Variants in ARHGAP5 observed in about 807,000 individuals in gnomAD.
The protein encoded by ARHGAP5 is rho GTPase-activating protein 5.
ARHGAP5 carries 23 observed loss-of-function variants against 116.6 expected under a neutral mutation model. That is an observed-to-expected ratio of 0.20 (90% CI 0.14 to 0.28). ARHGAP5 has a LOEUF of 0.28. Ranked by LOEUF, ARHGAP5 falls within the 10% of genes least tolerant of loss-of-function variation. The probability of loss-of-function intolerance (pLI) is 1.00; values close to 1 mark genes in which losing one functional copy is unlikely to be tolerated. For missense variants in ARHGAP5, 1,405 were observed against 1,774.8 expected (o/e 0.79, Z 3.74); for synonymous variants, 574 against 602.0 (o/e 0.95, Z 0.68).
At chr14:32,145,011 TG>T (rs1375071192) in intron 3 of ARHGAP5, among the ~76,000 whole-genome samples, 20 of 152,228 alleles carry the variant, frequency 1.3e-4, no homozygotes, top group African/African-American at 4.3e-4. Context: ...GTTTTATTAT[TG>T]TATCTCATAG....
chr14:32,141,549 G>T (rs1210361792), intron 3 of ARHGAP5, among the ~76,000 whole-genome samples: 1 of 152,062 alleles, frequency 6.6e-6, no homozygotes, highest in African/African-American at 2.4e-5. Context: ...ATGAAATACT[G>T]CTGGCTTATA....
intron 3 of ARHGAP5, among the ~76,000 whole-genome samples, chr14:32,133,156 A>G (rs1421015970): frequency 1.3e-5 from 2 of 152,152 alleles, no homozygotes; most frequent in Non-Finnish European, 2.9e-5. Context: ...GGTGGCATTG[A>G]ATCTATAAAT....
rs191217442 is a variant in ARHGAP5 at position 32,157,829 on chromosome 14, T to C, written c.*2881T>C. The C allele has an allele frequency of 5.7e-5, 8 of 140,874 alleles. No homozygotes were observed. In the Admixed American group the frequency reaches 5.7e-4, roughly 10 times the overall value. The allele number at this position is 140,874 out of a possible 1,614,324, so 8.7% of individuals were successfully genotyped here. On this transcript the variant is annotated 3_prime_UTR_variant, in exon 7 of 7. Coordinates refer to ENST00000345122, the MANE Select transcript of ARHGAP5 (RefSeq NM_001030055.2). ...GGGTTTTTTTGTTTATTTGGGTTTGTTTTTTTTTTTGAGGTACTGGAATCT... is the reference window on the plus strand; with the variant it reads ...GGGTTTTTTTGTTTATTTGGGTTTGCTTTTTTTTTTGAGGTACTGGAATCT...
intron 1 of ARHGAP5, among the ~76,000 whole-genome samples, chr14:32,078,688 C>G (rs1456110429): frequency 6.6e-6 from 1 of 152,138 alleles, no homozygotes; most frequent in East Asian, 1.9e-4. Context: ...TGGTGTTTAT[C>G]CGCATGAAGG....
At chr14:32,148,558 G>A (rs1355937169) in intron 4 of ARHGAP5, among the ~76,000 whole-genome samples, 1 of 152,096 alleles carries the variant, frequency 6.6e-6, no homozygotes, top group Non-Finnish European at 1.5e-5. Flanking sequence ...AAGCTTGTAT[G>A]TATTAAAGCA....
chr14:32,130,487 G>C (rs143997950), intron 3 of ARHGAP5, among the ~76,000 whole-genome samples: 93 of 151,210 alleles, frequency 6.2e-4, no homozygotes, highest in Admixed American at 1.3e-3. Context: ...CTCCCAAGGT[G>C]CTGGGATTAC....
chr14:32,086,905 T>C lies in ARHGAP5; in HGVS notation c.-168-3597T>C, dbSNP rs143930281. ...TTGCAAGCTATTAAAAGCAGCACTA[T>C]TGCTTAAAAAAGTAAAAGATTGGGA... On this transcript the variant is annotated intron_variant, in intron 1 of 6. Coordinates refer to ENST00000345122, the MANE Select transcript of ARHGAP5 (RefSeq NM_001030055.2). Among the ~76,000 whole-genome samples, 128 of 152,234 alleles carry C rather than the reference T, an allele frequency of 8.4e-4. 3 individuals are homozygous for C. Among genetic ancestry groups the C allele is most frequent in the African/African-American group, 2.7e-3 (111 of 41,548 alleles).
In ARHGAP5 at chr14:32,092,094, T is replaced by C. The variant is rs1486001900; in HGVS notation, c.1425T>C (p.Tyr475=). 8 of 1,613,918 alleles carry C rather than the reference T, an allele frequency of 5.0e-6. No individual in the cohort carries two copies. The highest frequency in any genetic ancestry group is 3.3e-5 in the South Asian group (3 of 91,070). ...YITEADSKEV[Y]GRHQREIVEK... The stretch of plus-strand genomic sequence containing the variant: ...CTGAGGCTGATAGCAAAGAGGTATA[T>C]GGTAGGCATCAGCGAGAAATAGTTG... The change falls in exon 2 of 7, where the codon TAT becomes TAC. Residue 475 remains tyrosine, a synonymous_variant. Transcript: ENST00000345122. The surrounding 1 kb of genome is among the most constrained non-coding windows in gnomAD (Gnocchi z 4.1).
intron 3 of ARHGAP5, among the ~76,000 whole-genome samples, chr14:32,131,252 C>CTTTTTTTTTTTT (rs71441705): frequency 9.6e-6 from 1 of 103,924 alleles, no homozygotes. Context: ...TGTCATACTT[C>CTTTTTTTTTTTT]TTTTTTTTTT....
At chr14:32,147,658 GT>G (rs1192163449) in intron 4 of ARHGAP5, among the ~76,000 whole-genome samples, 3 of 152,078 alleles carry the variant, frequency 2.0e-5, no homozygotes, top group Non-Finnish European at 4.4e-5. Context: ...AGTATTGTAA[GT>G]TTTTTTTAAA....
At chr14:32,110,421 A>G (rs1879234378) in intron 2 of ARHGAP5, among the ~76,000 whole-genome samples, 2 of 151,966 alleles carry the variant, frequency 1.3e-5, no homozygotes, top group Admixed American at 6.6e-5. Context: ...CAGCCTCCCA[A>G]GTAGCTGGGA....
chr14:32,118,009 A>G (rs1879693281), intron 3 of ARHGAP5, among the ~76,000 whole-genome samples: 1 of 152,212 alleles, frequency 6.6e-6, no homozygotes, highest in African/African-American at 2.4e-5. Flanking sequence ...TGAAAACATG[A>G]GCTAAGTCAG....
intron 3 of ARHGAP5, 41 bp downstream of exon 3, chr14:32,117,328 T>G: frequency 6.6e-7 from 1 of 1,522,322 alleles, no homozygotes; most frequent in Non-Finnish European, 8.9e-7. Context: ...GATTTTAAAT[T>G]TCACTTTTGA....
At chr14:32,077,548 G>A in intron 1 of ARHGAP5, 113 bp downstream of exon 1, 1 of 572,688 alleles carries the variant, frequency 1.7e-6, no homozygotes, top group Non-Finnish European at 3.1e-6. Flanking sequence ...ACCAGTTGAA[G>A]GGGCTGGGGC....
chr14:32,118,436 G>A (rs185711726), intron 3 of ARHGAP5, among the ~76,000 whole-genome samples: 1 of 152,014 alleles, frequency 6.6e-6, no homozygotes, highest in Non-Finnish European at 1.5e-5. Flanking sequence ...GGTGAAGGTT[G>A]CAGTGAGCCG....
chr14:32,140,085 A>ATTTTTTTT (rs1881026266), intron 3 of ARHGAP5, among the ~76,000 whole-genome samples: 2 of 31,556 alleles, frequency 6.3e-5, no homozygotes, highest in Non-Finnish European at 1.2e-4. Flanking sequence ...TTTTTTTTTT[A>ATTTTTTTT]GGTTATTTGT....
At chr14:32,111,744 C>T (rs1879310867) in intron 2 of ARHGAP5, among the ~76,000 whole-genome samples, 1 of 150,500 alleles carries the variant, frequency 6.6e-6, no homozygotes, top group African/African-American at 2.5e-5. Flanking sequence ...TATATTGAAT[C>T]TTTTATTTGC....
chr14:32,126,250 A>G (rs753285538), intron 3 of ARHGAP5, among the ~76,000 whole-genome samples: 1 of 151,596 alleles, frequency 6.6e-6, no homozygotes, highest in East Asian at 1.9e-4. Context: ...TTTTTTTGAG[A>G]TGGAGTCTCA....
intron 1 of ARHGAP5, among the ~76,000 whole-genome samples, chr14:32,087,151 C>G (rs2041837603): frequency 1.3e-5 from 2 of 151,526 alleles, no homozygotes; most frequent in African/African-American, 4.9e-5. Context: ...ATTGAAGACA[C>G]TGGGCATTAG....
Sources: gnomAD v4.1 joint callset for allele counts (sites outside exome capture counted in the v4.1 genomes callset) on GRCh38, gnomAD v4.1.1 for gene constraint, Gnocchi (gnomAD v3.1) non-coding constraint, MANE v1.5 for transcripts, NCBI Gene and HGNC (gene_info 2026-07-23, HGNC 2026-07-21) for gene names.